Variants in CFAP96 observed in about 807,000 individuals in gnomAD.
The protein encoded by CFAP96 is cilia-and flagella-associated protein 96.
chr4:185,438,293 T>C, the CFAP96 span, among the ~76,000 whole-genome samples: 1 of 152,184 alleles, frequency 6.6e-6, no homozygotes, highest in South Asian at 2.1e-4. Flanking sequence ...TTTCCTTCTA[T>C]GTATTTCATT....
the CFAP96 span, among the ~76,000 whole-genome samples, chr4:185,425,133 A>C: frequency 2.0e-5 from 3 of 152,202 alleles, no homozygotes; most frequent in Admixed American, 6.5e-5. Flanking sequence ...ATAGGACTTG[A>C]TTATTGACTG....
At chr4:185,443,342 A>ATATATTTTTTTTTTTT in the CFAP96 span, among the ~76,000 whole-genome samples, 15 of 26,728 alleles carry the variant, frequency 5.6e-4, no homozygotes, top group East Asian at 2.9e-3. Flanking sequence ...ATATATATAT[A>ATATATTTTTTTTTTTT]TTTTTTTTTT....
At chr4:185,413,585 A>G in the CFAP96 span, 18 of 779,796 alleles carry the variant, frequency 2.3e-5, no homozygotes, top group Middle Eastern at 2.8e-4. Flanking sequence ...ATCTTAAGCA[A>G]TGTCTGTTAA....
chr4:185,417,764 C>T, the CFAP96 span, among the ~76,000 whole-genome samples: 2 of 152,138 alleles, frequency 1.3e-5, no homozygotes. Flanking sequence ...ACAGAACCAG[C>T]CGGGCGCGGT....
chr4:185,430,757 G>A, the CFAP96 span, among the ~76,000 whole-genome samples: 1 of 151,884 alleles, frequency 6.6e-6, no homozygotes, highest in Non-Finnish European at 1.5e-5. Flanking sequence ...ACAAAAATTA[G>A]CTGGGCATGG....
the CFAP96 span, chr4:185,445,692 A>G: frequency 1.8e-6 from 1 of 565,152 alleles, no homozygotes; most frequent in African/African-American, 1.9e-5. Flanking sequence ...TGGAGTAAAA[A>G]CAATCAGTTA....
the CFAP96 span, chr4:185,436,108 CAA>C: frequency 6.4e-7 from 1 of 1,551,052 alleles, no homozygotes; most frequent in Admixed American, 2.0e-5. Context: ...AGCGCACAGT[CAA>C]AACCTCGAGA....
chr4:185,449,522 T>TAA, the CFAP96 span: 9,173 of 821,426 alleles, frequency 0.011, no homozygotes, highest in East Asian at 0.018. Flanking sequence ...GACCCGGTCT[T>TAA]AAAAAAAAAA....
At chr4:185,422,710 AAAAACAAAAACAAAAGCAACCCC>A in the CFAP96 span, 1 of 652,156 alleles carries the variant, frequency 1.5e-6, no homozygotes, top group Non-Finnish European at 2.5e-6. Context: ...GTTTTATAGA[AAAAACAAAAACAAAAGCAACCCC>A]AAAATTTTAA....
the CFAP96 span, among the ~76,000 whole-genome samples, chr4:185,414,700 C>T: frequency 6.6e-6 from 1 of 152,142 alleles, no homozygotes; most frequent in Non-Finnish European, 1.5e-5. Flanking sequence ...CTCCAAAATT[C>T]CTCTAATAAA....
chr4:185,422,121 AAG>A, the CFAP96 span, among the ~76,000 whole-genome samples: 2 of 152,206 alleles, frequency 1.3e-5, no homozygotes, highest in Non-Finnish European at 2.9e-5. Context: ...TGTAGTATTT[AAG>A]AGAGTAGGTT....
At chr4:185,449,623 T>C in the CFAP96 span, 3 of 1,544,444 alleles carry the variant, frequency 1.9e-6, no homozygotes, top group Non-Finnish European at 2.6e-6. Context: ...ACTACAAGAC[T>C]TCTTCAGTAC....
At chr4:185,429,558 A>C in the CFAP96 span, 4 of 1,031,930 alleles carry the variant, frequency 3.9e-6, no homozygotes, top group East Asian at 8.8e-5. Context: ...GGTATTTTCT[A>C]TATAAAATTT....
the CFAP96 span, among the ~76,000 whole-genome samples, chr4:185,430,292 A>G: frequency 6.6e-6 from 1 of 152,226 alleles, no homozygotes. Flanking sequence ...AATTACTTCT[A>G]CATAATAATA....
chr4:185,443,921 C>CTTT, the CFAP96 span, among the ~76,000 whole-genome samples: 38 of 82,838 alleles, frequency 4.6e-4, 2 homozygotes, highest in Middle Eastern at 7.2e-3. Context: ...CTATATCTTT[C>CTTT]TTTTTTTTTT....
chr4:185,431,209 CAAAAAAAA>C, the CFAP96 span, among the ~76,000 whole-genome samples: 1 of 88,592 alleles, frequency 1.1e-5, no homozygotes, highest in African/African-American at 4.2e-5. Context: ...GACTCCGTCT[CAAAAAAAA>C]AAAAAAAAAA....
the CFAP96 span, among the ~76,000 whole-genome samples, chr4:185,447,988 G>A: frequency 6.6e-6 from 1 of 152,096 alleles, no homozygotes; most frequent in South Asian, 2.1e-4. Context: ...CTATATATAG[G>A]TTTGAAAGAA....
the CFAP96 span, among the ~76,000 whole-genome samples, chr4:185,431,452 T>C: frequency 6.6e-6 from 1 of 152,236 alleles, no homozygotes; most frequent in Non-Finnish European, 1.5e-5. Flanking sequence ...CTCCTGTTGA[T>C]GGACATTTGG....
the CFAP96 span, among the ~76,000 whole-genome samples, chr4:185,424,444 A>G: frequency 1.8e-4 from 27 of 152,236 alleles, no homozygotes; most frequent in African/African-American, 4.8e-4. Flanking sequence ...TCACATTTCT[A>G]TAAGGGTCAC....
Sources: gnomAD v4.1 joint callset for allele counts (sites outside exome capture counted in the v4.1 genomes callset) on GRCh38, gnomAD v4.1.1 for gene constraint, MANE v1.5 for transcripts, NCBI Gene and HGNC (gene_info 2026-07-23, HGNC 2026-07-21) for gene names.